The following ATP13A2 variants were observed in gnomAD, a reference collection of about 807,000 sequenced individuals.
ATP13A2 encodes polyamine-transporting ATPase 13A2.
Under a neutral mutation model 138.3 loss-of-function variants are expected in ATP13A2, and 83 were observed. That is an observed-to-expected ratio of 0.60 (90% confidence interval 0.50 to 0.72). The LOEUF is 0.72. ATP13A2 is among the 30% of genes least tolerant of loss of function. The pLI, the probability that ATP13A2 is intolerant of heterozygous loss-of-function variation, is 0.00. For synonymous variants in ATP13A2, 663 were observed against 699.0 expected, an observed-to-expected ratio of 0.95 and a Z score of 0.81; for missense variants, 1,402 against 1,606.4, an observed-to-expected ratio of 0.87 and a Z score of 2.17.
Position 16,993,847 on chromosome 1 carries a change from A to G in ATP13A2, c.1543-12T>C. 3 of 1,543,774 alleles carry G rather than the reference A, an allele frequency of 1.9e-6. No homozygotes were observed. Among genetic ancestry groups the G allele is most frequent in the Non-Finnish European group, 2.6e-6 (3 of 1,143,638 alleles). Reference sequence around the variant, plus strand: ...GTGAGGGTGCCCGTCTGTGGGAGACAGGTGGGTGGGGCAGCGATGAGTCCT... The same window carrying G: ...GTGAGGGTGCCCGTCTGTGGGAGACGGGTGGGTGGGGCAGCGATGAGTCCT... On this transcript the variant is annotated splice_polypyrimidine_tract_variant and intron_variant, in intron 15 of 28. Coordinates refer to ENST00000326735, the MANE Select transcript of ATP13A2 (RefSeq NM_022089.4).
intron 20 of ATP13A2, among the ~76,000 whole-genome samples, chr1:16,990,503 G>A (rs929390627): frequency 3.3e-5 from 5 of 152,150 alleles, no homozygotes; most frequent in African/African-American, 4.8e-5. Context: ...GTGGGCTGGA[G>A]CTCCACATAT....
chr1:17,011,749 C>A lies in ATP13A2; in HGVS notation c.-11G>T. ...CTCACCTGCGCTCATGCCGGCTCCT[C>A]GCGCTCATCGCCGGCCCCGGCGCTG... On this transcript the variant is annotated 5_prime_UTR_variant, in exon 1 of 29. Coordinates refer to ENST00000326735, the MANE Select transcript of ATP13A2 (RefSeq NM_022089.4). This position sits in a 1 kb window ranked among gnomAD's most constrained non-coding sequence, Gnocchi z 7.3. The A allele has an allele frequency of 6.9e-7, 1 of 1,456,080 alleles. No homozygotes were observed. The highest frequency in any genetic ancestry group is 9.0e-7 in the Non-Finnish European group (1 of 1,108,484). The allele number at this position is 1,456,080 out of a possible 1,614,324, so 90.2% of individuals were successfully genotyped here.
intron 20 of ATP13A2, among the ~76,000 whole-genome samples, chr1:16,990,531 T>G (rs2076894098): frequency 6.6e-6 from 1 of 152,198 alleles, no homozygotes; most frequent in East Asian, 1.9e-4. Flanking sequence ...TTTTTTCTTT[T>G]TTTAAGACAA....
chr1:17,001,396 C>T (rs546785670), intron 8 of ATP13A2, among the ~76,000 whole-genome samples: 21 of 151,906 alleles, frequency 1.4e-4, no homozygotes, highest in Non-Finnish European at 2.9e-4. Flanking sequence ...CCATTGCACT[C>T]CAGCCTGGGC....
At chr1:16,993,484 A>G (rs1206374371) in intron 16 of ATP13A2, 145 bp downstream of exon 16, 3 of 835,272 alleles carry the variant, frequency 3.6e-6, no homozygotes, top group African/African-American at 3.5e-5. Context: ...GCCACGTTAC[A>G]GGTGTGAGCC....
At position 17,004,817 on chromosome 1, in the gene ATP13A2, CCAGGCTGGGGAAG is replaced by C. The variant is rs749798211; in HGVS notation, c.348-9_351del. On this transcript the variant is annotated splice_acceptor_variant and splice_polypyrimidine_tract_variant and coding_sequence_variant and intron_variant, in exon 5 of 29. Transcript: ENST00000326735. LOFTEE classifies it high-confidence loss of function. This position sits in a 1 kb window ranked among gnomAD's most constrained non-coding sequence, Gnocchi z 4.1. Reference sequence around the variant, plus strand: ...TCTGCCTGGGACTGTGGGGACGGCTCCAGGCTGGGGAAGCAGGTGAGGGTTACTCTCGAGCTCT... The same window carrying C: ...TCTGCCTGGGACTGTGGGGACGGCTCCAGGTGAGGGTTACTCTCGAGCTCT... 4.7e-5 allele frequency: 76 copies of C among 1,613,772 alleles called. No homozygotes were observed. The highest frequency in any genetic ancestry group is 6.4e-5 in the Non-Finnish European group (76 of 1,180,044).
At chr1:17,002,223 G>A (rs1261071882) in intron 7 of ATP13A2, 73 bp downstream of exon 7, 10 of 1,587,924 alleles carry the variant, frequency 6.3e-6, no homozygotes, top group African/African-American at 1.3e-5. Flanking sequence ...CAGGTGACTG[G>A]AAGGCAACCA....
chr1:17,002,984 C>G (rs1429223975), intron 6 of ATP13A2, among the ~76,000 whole-genome samples: 2 of 152,160 alleles, frequency 1.3e-5, no homozygotes, highest in Non-Finnish European at 2.9e-5. Context: ...TGCCTGTGAG[C>G]CCGGAAAGCG....
In ATP13A2 at chr1:16,992,039, G is replaced by A; in HGVS notation, c.2096C>T (p.Pro699Leu). Residue 699 changes from proline to leucine, a missense_variant, in exon 19 of 29, where the codon CCC becomes CTC. Transcript: ENST00000326735. The part of the protein sequence containing the change: ...ALASKPLPTV[P>L]SLEAAQQLTR... The stretch of plus-strand genomic sequence containing the variant: ...CAGTTGCTGGGCTGCCTCCAGGCTG[G>A]GCACAGTGGGCAGTGGCTTGCTGGC... 6.2e-7 allele frequency: 1 copy of A among 1,613,300 alleles called. No homozygotes were observed. The highest frequency in any genetic ancestry group is 8.5e-7 in the Non-Finnish European group (1 of 1,179,674).
Position 17,000,308 on chromosome 1 carries a change from C to A in ATP13A2, c.845G>T (p.Ser282Ile). The A allele has an allele frequency of 6.3e-7, 1 of 1,581,718 alleles. No homozygotes were observed. Among genetic ancestry groups the A allele is most frequent in the Non-Finnish European group, 8.6e-7 (1 of 1,163,618 alleles). ...CTTGACCATGTCCCTTAGAGTCTGGCTTTGCTGTGGGCAGGGGACAAGAGG... is the reference window on the plus strand; with the variant it reads ...CTTGACCATGTCCCTTAGAGTCTGGATTTGCTGTGGGCAGGGGACAAGAGG... Reference protein sequence around the residue: ...CLSLYKTRKQSQTLRDMVKLS... With the variant: ...CLSLYKTRKQIQTLRDMVKLS... Residue 282 changes from serine to isoleucine, a missense_variant, in exon 10 of 29, where the codon AGC (serine) becomes ATC (isoleucine). Coordinates refer to ENST00000326735, the MANE Select transcript of ATP13A2 (RefSeq NM_022089.4).
At position 16,992,562 on chromosome 1, in the gene ATP13A2, G is replaced by C. The variant is rs12564040; in HGVS notation, c.1769C>G (p.Ala590Gly). The C allele has an allele frequency of 2.5e-6, 4 of 1,614,102 alleles. No homozygotes were observed. Among genetic ancestry groups the C allele is most frequent in the African/African-American group, 2.7e-5 (2 of 74,948 alleles). Reference protein sequence around the residue: ...STGWVLEEEPAADSAFGTQVL... With the variant: ...STGWVLEEEPGADSAFGTQVL... ...CTGGGTCCCAAATGCTGAGTCTGCA[G>C]CCGGCTCTTCCTCCAGGACCTGGCA... Residue 590 changes from alanine to glycine, a missense_variant, in exon 17 of 29, where the codon GCT becomes GGT. Coordinates refer to ENST00000326735, the MANE Select transcript of ATP13A2 (RefSeq NM_022089.4).
intron 8 of ATP13A2, among the ~76,000 whole-genome samples, chr1:17,001,354 G>C (rs1288265809): frequency 6.6e-6 from 1 of 151,908 alleles, no homozygotes; most frequent in Non-Finnish European, 1.5e-5. Context: ...CTTGAACCCA[G>C]GAGGTGGACA....
chr1:16,996,466 CTCA>C lies in ATP13A2; in HGVS notation c.1223_1225del (p.Val408_Ser409delinsGly), dbSNP rs2077129195. The C allele has an allele frequency of 1.2e-6, 2 of 1,613,952 alleles. No individual in the cohort carries two copies. The highest frequency in any genetic ancestry group is 1.7e-6 in the Non-Finnish European group (2 of 1,180,034). ...GATGGGCCGGGGGTGCAAGATGGAGCTCACCAGGCCCCCTTTTGCCGTGCAGAA... is the reference window on the plus strand; with the variant it reads ...GATGGGCCGGGGGTGCAAGATGGAGCCCAGGCCCCCTTTTGCCGTGCAGAA... On this transcript the variant is annotated inframe_deletion, in exon 13 of 29. Transcript: ENST00000326735.
In ATP13A2 at chr1:16,986,953, G is replaced by C; in HGVS notation, c.3087C>G (p.Phe1029Leu). The change falls in exon 27 of 29, where the codon TTC (phenylalanine) becomes TTG (leucine). Residue 1029 changes from phenylalanine to leucine, a missense_variant. By Grantham distance (22) the Phe-to-Leu change is conservative (BLOSUM62 0). Coordinates refer to ENST00000326735, the MANE Select transcript of ATP13A2 (RefSeq NM_022089.4). The surrounding 1 kb of genome is among the most constrained non-coding windows in gnomAD (Gnocchi z 6.9). Reference protein sequence around the residue: ...GYFLTLAQPWFVPLNRTVAAP... With the variant: ...GYFLTLAQPWLVPLNRTVAAP... ...CGGCCACTGTCCTGTTCAGAGGCAC[G>C]AACCTGGGGGTACAGGGATGGGGGT... The C allele has an allele frequency of 6.2e-7, 1 of 1,613,502 alleles. No homozygotes were observed. The highest frequency in any genetic ancestry group is 8.5e-7 in the Non-Finnish European group (1 of 1,179,856).
chr1:16,988,038 C>T, intron 25 of ATP13A2, 100 bp downstream of exon 25: 1 of 1,088,610 alleles, frequency 9.2e-7, no homozygotes, highest in Non-Finnish European at 1.4e-6. Context: ...GATCTGGGCC[C>T]ACGTCATCTA....
rs538188752 is a variant in ATP13A2, at chr1:16,997,773, G to A, written c.1040-598C>T. On this transcript the variant is annotated intron_variant, in intron 11 of 28. Coordinates refer to ENST00000326735, the MANE Select transcript of ATP13A2 (RefSeq NM_022089.4). ...GGGTAATAACTTGAACCAGAGAGGC[G>A]GAGGTTGCAGTGAGCCGAGATCGTG... Among the ~76,000 whole-genome samples, 742 of 151,600 alleles carry A rather than the reference G, an allele frequency of 4.9e-3. 8 individuals carry two copies. The highest frequency in any genetic ancestry group is 0.017 in the African/African-American group (705 of 41,312).
Position 17,000,453 on chromosome 1 carries a change from T to C in ATP13A2, c.787A>G (p.Ile263Val), listed in dbSNP as rs911196210. 3.1e-6 allele frequency: 5 copies of C among 1,613,978 alleles called. No homozygotes were observed. Among genetic ancestry groups the C allele is most frequent in the Middle Eastern group, 1.6e-4 (1 of 6,062 alleles). The change falls in exon 9 of 29, where the codon ATC becomes GTC. Residue 263 changes from isoleucine to valine, a missense_variant. By Grantham distance (29) the Ile-to-Val change is conservative. Transcript: ENST00000326735. ...ATGGAGATGGAGGAAATGAGGAAGA[T>C]GCACAGGGCGTACCAGTAGTAGTGG... ...ADHYYWYALC[I>V]FLISSISICL...
Position 16,990,209 on chromosome 1 carries a change from T to C in ATP13A2, c.2330A>G (p.His777Arg). ...VAPQEHLIIV[H>R]ATHPERGQPA... is the part of the protein sequence containing the mutation. ...CTGACCCCGCTCAGGGTGGGTGGCG[T>C]GGACGATGATCAGATGCTCCTGGGG... The change falls in exon 21 of 29, where the codon CAC (histidine) becomes CGC (arginine). Residue 777 changes from histidine (H) to arginine (R), a missense_variant. By Grantham distance (29) the His-to-Arg change is conservative (BLOSUM62 0). Transcript: ENST00000326735. 6.2e-7 allele frequency: 1 copy of C among 1,613,836 alleles called. No individual in the cohort carries two copies.
chr1:16,999,861 A>T, intron 11 of ATP13A2, 150 bp downstream of exon 11: 1 of 1,119,840 alleles, frequency 8.9e-7, no homozygotes, highest in Non-Finnish European at 1.2e-6. Flanking sequence ...AGATCATGTC[A>T]CTGCACTCCA....
Sources: gnomAD v4.1 joint callset for allele counts (sites outside exome capture counted in the v4.1 genomes callset) on GRCh38, gnomAD v4.1.1 for gene constraint, Gnocchi (gnomAD v3.1) non-coding constraint, MANE v1.5 for transcripts, NCBI Gene and HGNC (gene_info 2026-07-23, HGNC 2026-07-21) for gene names.